Variants in KCNH8 observed in about 807,000 individuals in gnomAD.
The protein encoded by KCNH8 is potassium voltage-gated channel subfamily H member 8.
In KCNH8, 70 loss-of-function variants were observed where a neutral mutation model predicts 103.6. The ratio of observed to expected loss-of-function variants is 0.68; its 90% confidence interval spans 0.56 to 0.82. The LOEUF is 0.82. KCNH8 is among the 40% of genes least tolerant of loss of function. The pLI, the probability that KCNH8 is intolerant of heterozygous loss-of-function variation, is 0.00. For synonymous variants in KCNH8, 498 were observed against 489.4 expected (o/e 1.02, Z -0.23); for missense variants, 1,217 against 1,329.9 (o/e 0.92, Z 1.32).
chr3:19,291,441 G>A (rs1036461865), intron 3 of KCNH8, among the ~76,000 whole-genome samples: 7 of 152,284 alleles, frequency 4.6e-5, no homozygotes, highest in African/African-American at 1.7e-4. Context: ...CTGGTATGTT[G>A]TGTTTTTGTT....
intron 3 of KCNH8, among the ~76,000 whole-genome samples, chr3:19,290,122 C>A (rs1317332531): frequency 1.3e-5 from 2 of 152,076 alleles, no homozygotes; most frequent in African/African-American, 4.8e-5. Context: ...GCTGAAGTTG[C>A]CTATCAGCTT....
At chr3:19,316,892 G>C (rs1274248701) in intron 3 of KCNH8, among the ~76,000 whole-genome samples, 1 of 151,850 alleles carries the variant, frequency 6.6e-6, no homozygotes, top group African/African-American at 2.4e-5. Context: ...CTCCATTTCT[G>C]GCACAGGATA....
intron 1 of KCNH8, among the ~76,000 whole-genome samples, chr3:19,224,760 C>G (rs2063911052): frequency 6.6e-6 from 1 of 152,002 alleles, no homozygotes; most frequent in Non-Finnish European, 1.5e-5. Flanking sequence ...AGATATTTTG[C>G]TGTTTTCTGT....
At chr3:19,176,255 G>A (rs1373747467) in intron 1 of KCNH8, among the ~76,000 whole-genome samples, 1 of 152,132 alleles carries the variant, frequency 6.6e-6, no homozygotes, top group Non-Finnish European at 1.5e-5. Context: ...TTGAAAGTAA[G>A]GAAGCTGGAG....
At chr3:19,400,569 T>C (rs1359644197) in intron 7 of KCNH8, among the ~76,000 whole-genome samples, 1 of 152,016 alleles carries the variant, frequency 6.6e-6, no homozygotes, top group African/African-American at 2.4e-5. Context: ...TCTTACCCTT[T>C]GGCTGGAGCA....
At chr3:19,507,181 T>C (rs921951792) in intron 11 of KCNH8, among the ~76,000 whole-genome samples, 29 of 152,226 alleles carry the variant, frequency 1.9e-4, no homozygotes, top group African/African-American at 6.5e-4. Flanking sequence ...AGCTCCTCTC[T>C]GTATGGTGGC....
At chr3:19,483,675 C>T (rs1160204095) in intron 11 of KCNH8, among the ~76,000 whole-genome samples, 2 of 152,132 alleles carry the variant, frequency 1.3e-5, no homozygotes, top group African/African-American at 4.8e-5. Context: ...TTTAGTTCAT[C>T]ATAGAAAGTT....
intron 1 of KCNH8, among the ~76,000 whole-genome samples, chr3:19,169,413 A>G (rs1157853262): frequency 1.3e-5 from 2 of 151,600 alleles, no homozygotes; most frequent in Non-Finnish European, 2.9e-5. Context: ...CGCCTGGCTA[A>G]TTTTTTGTAT....
At chr3:19,438,911 TTCTATC>T (rs1414950966) in intron 8 of KCNH8, among the ~76,000 whole-genome samples, 2 of 152,238 alleles carry the variant, frequency 1.3e-5, no homozygotes, top group Non-Finnish European at 2.9e-5. Context: ...CTGTGGTTCT[TTCTATC>T]TCTGATGTAA....
intron 3 of KCNH8, among the ~76,000 whole-genome samples, chr3:19,330,919 A>AT (rs2065496626): frequency 1.3e-5 from 2 of 152,156 alleles, no homozygotes; most frequent in East Asian, 1.9e-4. Flanking sequence ...CATTTTCTCA[A>AT]TTTTTTCTTA....
At chr3:19,362,322 A>G (rs2065957875) in intron 5 of KCNH8, among the ~76,000 whole-genome samples, 2 of 151,854 alleles carry the variant, frequency 1.3e-5, no homozygotes, top group Non-Finnish European at 2.9e-5. Context: ...GGATGTGACA[A>G]GACAGGGGAA....
chr3:19,336,603 A>AT (rs1304739890), intron 3 of KCNH8, among the ~76,000 whole-genome samples: 1 of 151,834 alleles, frequency 6.6e-6, no homozygotes, highest in African/African-American at 2.4e-5. Context: ...AATTTTATTT[A>AT]TTTTTTGCCA....
intron 9 of KCNH8, 179 bp from the exon 10 acceptor site, chr3:19,450,976 C>T (rs1443659619): frequency 1.7e-5 from 11 of 632,786 alleles, no homozygotes; most frequent in Non-Finnish European, 2.8e-5. Context: ...TTCAGTAGCA[C>T]ATAATTCACA....
intron 3 of KCNH8, among the ~76,000 whole-genome samples, chr3:19,339,925 A>G (rs1314592404): frequency 1.3e-5 from 2 of 151,958 alleles, no homozygotes; most frequent in Non-Finnish European, 2.9e-5. Context: ...CCGAACACTG[A>G]TTGAAGTCAC....
chr3:19,493,751 A>G (rs1286492829), intron 11 of KCNH8, among the ~76,000 whole-genome samples: 2 of 143,134 alleles, frequency 1.4e-5, no homozygotes, highest in African/African-American at 6.0e-5. Flanking sequence ...GAGTCTTATT[A>G]TTATTATTAT....
chr3:19,368,626 G>T (rs2066044839), intron 5 of KCNH8, among the ~76,000 whole-genome samples: 2 of 152,074 alleles, frequency 1.3e-5, no homozygotes, highest in South Asian at 2.1e-4. Context: ...TAAGGCCATT[G>T]AATAAAGATT....
intron 2 of KCNH8, among the ~76,000 whole-genome samples, chr3:19,259,722 T>A (rs1002182220): frequency 6.6e-6 from 1 of 151,800 alleles, no homozygotes; most frequent in African/African-American, 2.4e-5. Flanking sequence ...GTGAAATGGA[T>A]ATATGGATAC....
intron 1 of KCNH8, among the ~76,000 whole-genome samples, chr3:19,183,220 A>G (rs967156591): frequency 6.6e-6 from 1 of 152,202 alleles, no homozygotes; most frequent in Non-Finnish European, 1.5e-5. Context: ...GAGATATGTA[A>G]TTAAGAAAAA....
At chr3:19,509,841 C>A (rs1450436371) in intron 11 of KCNH8, among the ~76,000 whole-genome samples, 5 of 151,962 alleles carry the variant, frequency 3.3e-5, no homozygotes, top group Admixed American at 6.6e-5. Flanking sequence ...TAGCTCATGC[C>A]TATGAGCGTT....
Sources: allele counts gnomAD v4.1 joint callset (sites outside exome capture counted in the v4.1 genomes callset), GRCh38; gene constraint gnomAD v4.1.1; transcripts MANE v1.5; gene names NCBI Gene and HGNC (gene_info 2026-07-23, HGNC 2026-07-21).